Variants in ELAVL2 observed in about 807,000 individuals in gnomAD.
ELAVL2 encodes ELAV like RNA binding protein 2, also known as ELAV-like protein 2.
A neutral mutation model predicts 34.6 loss-of-function variants in ELAVL2; 4 were observed. The ratio of observed to expected loss-of-function variants is 0.12; its 90% CI spans 0.06 to 0.26. ELAVL2 has a LOEUF of 0.26. Among genes scored for constraint, ELAVL2 ranks in the 10% least tolerant of loss-of-function variants. ELAVL2 has a pLI of 1.00. For missense variants in ELAVL2, 432 were observed against 442.8 expected, an observed-to-expected ratio of 0.98 and a Z score of 0.22; for synonymous variants, 193 against 154.8, an observed-to-expected ratio of 1.25 and a Z score of -1.83.
intron 1 of ELAVL2, among the ~76,000 whole-genome samples, chr9:23,773,618 A>G (rs112021384): frequency 1.1e-3 from 172 of 152,288 alleles, no homozygotes; most frequent in African/African-American, 4.0e-3. Context: ...GATGAGAAAC[A>G]TCTATCCCCC....
chr9:23,756,439 G>C (rs2053572519), intron 2 of ELAVL2, among the ~76,000 whole-genome samples: 1 of 152,104 alleles, frequency 6.6e-6, no homozygotes, highest in South Asian at 2.1e-4. Context: ...GAGTAATGGT[G>C]AAATACTCAT....
intron 1 of ELAVL2, among the ~76,000 whole-genome samples, chr9:23,796,680 C>A (rs1454501267): frequency 6.6e-6 from 1 of 152,136 alleles, no homozygotes; most frequent in Non-Finnish European, 1.5e-5. Context: ...ACTATTATTG[C>A]CAAATCTATA....
intron 5 of ELAVL2, among the ~76,000 whole-genome samples, chr9:23,694,504 A>G (rs913607940): frequency 6.6e-6 from 1 of 151,796 alleles, no homozygotes; most frequent in Non-Finnish European, 1.5e-5. Context: ...ACAATGCTCA[A>G]CACTCTCCAA....
At chr9:23,733,767 A>G (rs1035195921) in intron 2 of ELAVL2, among the ~76,000 whole-genome samples, 1 of 152,148 alleles carries the variant, frequency 6.6e-6, no homozygotes, top group East Asian at 1.9e-4. Flanking sequence ...GCATGGAAAC[A>G]TTTGCTAAAT....
At chr9:23,721,180 G>A (rs2043611285) in intron 3 of ELAVL2, among the ~76,000 whole-genome samples, 1 of 152,126 alleles carries the variant, frequency 6.6e-6, no homozygotes, top group Admixed American at 6.5e-5. Context: ...ATGCAAAAAT[G>A]CAGACGTAAA....
intron 5 of ELAVL2, among the ~76,000 whole-genome samples, chr9:23,698,192 C>T (rs529835480): frequency 6.6e-6 from 1 of 152,220 alleles, no homozygotes; most frequent in East Asian, 1.9e-4. Flanking sequence ...CAGAAAAGAA[C>T]ATGAAAAAAT....
At chr9:23,772,534 CAAAAAAA>C (rs11450267) in intron 1 of ELAVL2, among the ~76,000 whole-genome samples, 85 of 67,656 alleles carry the variant, frequency 1.3e-3, no homozygotes, top group Non-Finnish European at 1.9e-3. Flanking sequence ...CAGCTTACAC[CAAAAAAA>C]AAAAAAAAAA....
At chr9:23,720,179 CTT>C (rs139066116) in intron 3 of ELAVL2, among the ~76,000 whole-genome samples, 1 of 147,030 alleles carries the variant, frequency 6.8e-6, no homozygotes, top group Non-Finnish European at 1.5e-5. Flanking sequence ...ACCCTTTCAC[CTT>C]TTTTTTTTGA....
In ELAVL2 at chr9:23,727,848, G is replaced by T. The variant is rs114228892; in HGVS notation, c.333+3174C>A. Among the ~76,000 whole-genome samples, 383 of 152,096 alleles carry T rather than the reference G, an allele frequency of 2.5e-3. 1 individual carries two copies. Among genetic ancestry groups the T allele is most frequent in the African/African-American group, 7.9e-3 (327 of 41,496 alleles). ...AAACCCTACTGAGCTAATGCTATTA[G>T]GGAGCCCCAGGAGAAACTGCTAAAT... On this transcript the variant is annotated intron_variant, in intron 3 of 6. Coordinates refer to ENST00000397312, the MANE Select transcript of ELAVL2 (RefSeq NM_004432.5).
chr9:23,707,603 G>A (rs538780386), intron 3 of ELAVL2, among the ~76,000 whole-genome samples: 1 of 152,232 alleles, frequency 6.6e-6, no homozygotes, highest in Non-Finnish European at 1.5e-5. Context: ...CAGTGGAAAT[G>A]TGGTTAAAGG....
chr9:23,819,198 T>C (rs546738148), intron 1 of ELAVL2, among the ~76,000 whole-genome samples: 1 of 152,140 alleles, frequency 6.6e-6, no homozygotes, highest in Non-Finnish European at 1.5e-5. Flanking sequence ...AAAAGGTTGA[T>C]TCAAGGAATG....
intron 4 of ELAVL2, among the ~76,000 whole-genome samples, chr9:23,704,403 T>A (rs2038606413): frequency 3.9e-5 from 6 of 152,154 alleles, no homozygotes; most frequent in Admixed American, 3.9e-4. Context: ...AACAGTGATA[T>A]TAGGAATAAA....
At chr9:23,729,480 G>A (rs76608604) in intron 3 of ELAVL2, among the ~76,000 whole-genome samples, 4,403 of 152,180 alleles carry the variant, frequency 0.029, 126 homozygotes, top group East Asian at 0.12. Flanking sequence ...CTCTGACACA[G>A]AAAGTATGCA....
chr9:23,805,505 G>C lies in ELAVL2; in HGVS notation c.-16+20301C>G, dbSNP rs556086694. Among the ~76,000 whole-genome samples, 247 of 152,260 alleles carry C rather than the reference G, an allele frequency of 1.6e-3. 2 individuals are homozygous for C. Among genetic ancestry groups the C allele is most frequent in the African/African-American group, 5.5e-3 (229 of 41,554 alleles). On this transcript the variant is annotated intron_variant, in intron 1 of 6. Coordinates refer to ENST00000397312, the MANE Select transcript of ELAVL2 (RefSeq NM_004432.5). ...GCTTTAAAATGAGTTGCTTTAGAACGAACAGTTCTATGTCAAGGCAGGCCT... is the reference window on the plus strand; with the variant it reads ...GCTTTAAAATGAGTTGCTTTAGAACCAACAGTTCTATGTCAAGGCAGGCCT...
At chr9:23,812,966 C>A (rs2063209586) in intron 1 of ELAVL2, among the ~76,000 whole-genome samples, 1 of 152,034 alleles carries the variant, frequency 6.6e-6, no homozygotes, top group Non-Finnish European at 1.5e-5. Context: ...TGGGTTGATA[C>A]AACAGATCTT....
chr9:23,720,565 T>C (rs2043420657), intron 3 of ELAVL2, among the ~76,000 whole-genome samples: 1 of 152,202 alleles, frequency 6.6e-6, no homozygotes, highest in Admixed American at 6.5e-5. Flanking sequence ...AATTGTAATG[T>C]TGAAGTATTT....
intron 1 of ELAVL2, among the ~76,000 whole-genome samples, chr9:23,805,674 C>T (rs1254655299): frequency 1.3e-5 from 2 of 152,172 alleles, no homozygotes; most frequent in Non-Finnish European, 2.9e-5. Flanking sequence ...AGAGCATCTA[C>T]CTTAGACCTC....
intron 3 of ELAVL2, among the ~76,000 whole-genome samples, chr9:23,713,636 G>C (rs2041582320): frequency 6.6e-6 from 1 of 152,108 alleles, no homozygotes; most frequent in Non-Finnish European, 1.5e-5. Flanking sequence ...CTTCAGAAAT[G>C]AGCCTGCATT....
intron 3 of ELAVL2, among the ~76,000 whole-genome samples, chr9:23,717,471 A>C (rs1320158815): frequency 3.3e-5 from 5 of 152,210 alleles, no homozygotes; most frequent in Admixed American, 3.3e-4. Flanking sequence ...TTTTTGTAGA[A>C]GGTTATTACT....
Sources: gnomAD v4.1 joint callset for allele counts (sites outside exome capture counted in the v4.1 genomes callset) on GRCh38, gnomAD v4.1.1 for gene constraint, MANE v1.5 for transcripts, NCBI Gene and HGNC (gene_info 2026-07-23, HGNC 2026-07-21) for gene names.